Variants in MESP1 observed in about 807,000 individuals in gnomAD.
The protein encoded by MESP1 is mesoderm posterior bHLH transcription factor 1.
Under a neutral mutation model 15.2 loss-of-function variants are expected in MESP1, and 22 were observed. The observed-to-expected ratio is 1.45, with a 90% confidence interval of 1.04 to 2.07. The LOEUF (loss-of-function observed/expected upper bound fraction) is 2.07. Among genes scored for constraint, MESP1 ranks in the 30% most tolerant of loss-of-function variants. MESP1 has a pLI of 0.00. For missense variants in MESP1, 484 were observed against 411.9 expected, an observed-to-expected ratio of 1.17 and a Z score of -1.51; for synonymous variants, 216 against 192.6, an observed-to-expected ratio of 1.12 and a Z score of -1.01.
the MESP1 span, among the ~76,000 whole-genome samples, chr15:89,733,663 C>G: frequency 6.6e-6 from 1 of 152,108 alleles, no homozygotes; most frequent in South Asian, 2.1e-4. Flanking sequence ...TGAGCACACT[C>G]AATTCCCTCA....
At chr15:89,737,965 A>G in the MESP1 span, 1 of 1,456,906 alleles carries the variant, frequency 6.9e-7, no homozygotes, top group Non-Finnish European at 9.3e-7. Context: ...AGCAGCCCCC[A>G]CCTGCTCACC....
rs776942668 is a variant in MESP1 at position 89,750,886 on chromosome 15, C to T, written c.346G>A (p.Ala116Thr). 1 of 1,497,496 alleles carries T rather than the reference C, an allele frequency of 6.7e-7. No homozygotes were observed. 92.8% of individuals were successfully genotyped at this position (1,497,496 alleles called of 1,614,324 possible). ...RRFLPPSVAP[A>T]GQSLTKIETL... is the part of the protein sequence containing the mutation. ...TCGATCTTGGTCAGGCTCTGGCCCG[C>T]GGGCGCCACGGACGGCGGTAGAAAG... is the stretch of plus-strand genomic sequence containing the variant. Residue 116 changes from alanine (A) to threonine (T), a missense_variant, in exon 1 of 2, where the codon GCG becomes ACG. Physicochemically the swap from Ala to Thr is moderately conservative, Grantham distance 58. Coordinates refer to ENST00000300057, the MANE Select transcript of MESP1 (RefSeq NM_018670.4).
downstream of MESP1, among the ~76,000 whole-genome samples, chr15:89,748,052 C>T (rs904314216): frequency 3.2e-4 from 48 of 152,242 alleles, no homozygotes; most frequent in African/African-American, 1.1e-3. Context: ...TGCTAATAAA[C>T]ACTGGGCCAC....
chr15:89,737,067 A>G, the MESP1 span, among the ~76,000 whole-genome samples: 1 of 152,230 alleles, frequency 6.6e-6, no homozygotes, highest in African/African-American at 2.4e-5. Context: ...CTGGGATTAC[A>G]GGCATGAGCC....
chr15:89,750,437 C>G, intron 1 of MESP1, 72 bp downstream of exon 1: 1 of 1,463,632 alleles, frequency 6.8e-7, no homozygotes, highest in East Asian at 2.4e-5. Flanking sequence ...GGTGCCTGGT[C>G]CTCACCTTGG....
chr15:89,748,459 C>T (rs554686114), downstream of MESP1, among the ~76,000 whole-genome samples: 4 of 152,334 alleles, frequency 2.6e-5, no homozygotes, highest in South Asian at 2.1e-4. Flanking sequence ...TGGCCCGGGC[C>T]GGAGTACTGG....
downstream of MESP1, chr15:89,749,575 A>G (rs1968039707): frequency 6.5e-6 from 1 of 153,996 alleles, no homozygotes; most frequent in South Asian, 2.0e-4. Context: ...AATACTCAAT[A>G]ATGGAGTTGT....
At chr15:89,734,750 C>A in the MESP1 span, among the ~76,000 whole-genome samples, 220 of 152,180 alleles carry the variant, frequency 1.4e-3, no homozygotes, top group Middle Eastern at 0.01. Context: ...TTTGGGAGGC[C>A]AAGGCGGGTG....
chr15:89,737,052 A>C, the MESP1 span, among the ~76,000 whole-genome samples: 208 of 152,272 alleles, frequency 1.4e-3, 1 homozygote, highest in Admixed American at 2.6e-3. Flanking sequence ...TGGCCTCCCA[A>C]AGTGCTGGGA....
At chr15:89,737,617 G>A in the MESP1 span, 1 of 1,614,194 alleles carries the variant, frequency 6.2e-7, no homozygotes, top group Non-Finnish European at 8.5e-7. Context: ...TTATGGATGT[G>A]GCCAAGCGTG....
the MESP1 span, chr15:89,743,142 C>T: frequency 1.4e-6 from 1 of 704,708 alleles, no homozygotes; most frequent in Non-Finnish European, 2.4e-6. Context: ...CTGCTGTGTA[C>T]CAGGCTGAGC....
chr15:89,735,549 G>A, the MESP1 span: 2 of 1,613,926 alleles, frequency 1.2e-6, no homozygotes, highest in African/African-American at 2.7e-5. Flanking sequence ...GCCTTACCTG[G>A]CATGGTAGGT....
chr15:89,734,452 G>C, the MESP1 span, among the ~76,000 whole-genome samples: 1 of 152,116 alleles, frequency 6.6e-6, no homozygotes, highest in Admixed American at 6.6e-5. Context: ...GGTAGTCTAA[G>C]GGCTCCTAGC....
chr15:89,746,761 CCA>C (rs1457079409), downstream of MESP1, among the ~76,000 whole-genome samples: 1 of 132,818 alleles, frequency 7.5e-6, no homozygotes, highest in Non-Finnish European at 1.6e-5. Context: ...CCCTACCTCC[CCA>C]CACATATACA....
At chr15:89,734,012 T>TGC in the MESP1 span, among the ~76,000 whole-genome samples, 169 of 151,744 alleles carry the variant, frequency 1.1e-3, 1 homozygote, top group Middle Eastern at 3.4e-3. Context: ...TGTGTGTGTG[T>TGC]GCGCGCGCGC....
downstream of MESP1, chr15:89,749,285 G>A (rs546979588): frequency 6.6e-6 from 1 of 152,376 alleles, no homozygotes; most frequent in South Asian, 2.1e-4. Context: ...TAAGCCACAA[G>A]GTGGGGAAAC....
the MESP1 span, chr15:89,738,344 T>G: frequency 3.0e-6 from 4 of 1,342,778 alleles, no homozygotes; most frequent in Non-Finnish European, 4.0e-6. Context: ...AAATTTCCCC[T>G]GGCTGGGCGT....
the MESP1 span, among the ~76,000 whole-genome samples, chr15:89,740,085 C>A: frequency 2.3e-4 from 35 of 152,264 alleles, 2 homozygotes; most frequent in South Asian, 6.8e-3. Context: ...TTTAATGATG[C>A]CTGATTTTTT....
downstream of MESP1, chr15:89,749,144 A>G (rs1367829121): frequency 1.3e-5 from 2 of 152,210 alleles, no homozygotes; most frequent in Non-Finnish European, 2.9e-5. Flanking sequence ...AATCCAGCCA[A>G]TGCAGACAGG....
Sources: allele counts gnomAD v4.1 joint callset (sites outside exome capture counted in the v4.1 genomes callset), GRCh38; gene constraint gnomAD v4.1.1; transcripts MANE v1.5; gene names NCBI Gene and HGNC (gene_info 2026-07-23, HGNC 2026-07-21).